The following CAST variants were observed in gnomAD, a reference collection of about 807,000 sequenced individuals.
CAST encodes MIR583 host.
Under a neutral mutation model 119.6 loss-of-function variants are expected in CAST, and 76 were observed. The observed-to-expected ratio is 0.64, with a 90% confidence interval of 0.53 to 0.77. CAST has a LOEUF of 0.77. Among genes scored for constraint, CAST ranks in the 30% least tolerant of loss-of-function variants. CAST has a pLI of 0.00. For synonymous variants in CAST, 319 were observed against 331.6 expected, an observed-to-expected ratio of 0.96 and a Z score of 0.41; for missense variants, 953 against 946.5, an observed-to-expected ratio of 1.01 and a Z score of -0.09.
chr5:96,350,200 C>G, the CAST span, among the ~76,000 whole-genome samples: 1 of 152,054 alleles, frequency 6.6e-6, no homozygotes, highest in African/African-American at 2.4e-5. Context: ...AGGGAAAAAG[C>G]AAATATTGGG....
chr5:96,379,031 C>T, the CAST span, among the ~76,000 whole-genome samples: 7 of 152,070 alleles, frequency 4.6e-5, no homozygotes, highest in South Asian at 2.1e-4. Flanking sequence ...ATAATTGATT[C>T]GTGCATTCTG....
At chr5:96,772,071 A>G (rs1187268253) in intron 31 of CAST, 21 of 158,760 alleles carry the variant, frequency 1.3e-4, no homozygotes, top group South Asian at 6.0e-4. Flanking sequence ...TCCTGAAGAC[A>G]TTGGCATTCC....
chr5:96,767,179 G>A (rs776694419), intron 27 of CAST, among the ~76,000 whole-genome samples: 90 of 152,282 alleles, frequency 5.9e-4, no homozygotes, highest in Admixed American at 9.8e-4. Flanking sequence ...ATGGCAGAAG[G>A]TTCACAAATA....
intron 27 of CAST, 104 bp downstream of exon 27, chr5:96,766,249 A>G (rs985400153): frequency 3.9e-5 from 26 of 667,394 alleles, no homozygotes; most frequent in Non-Finnish European, 6.7e-5. Flanking sequence ...AATAGCATAA[A>G]ACATACCATG....
chr5:96,635,338 G>T (rs1019940496), intron 1 of CAST, among the ~76,000 whole-genome samples: 1 of 152,182 alleles, frequency 6.6e-6, no homozygotes, highest in Non-Finnish European at 1.5e-5. Context: ...GAGAGGATAA[G>T]AAAGCCTAGA....
chr5:96,355,025 T>A, the CAST span, among the ~76,000 whole-genome samples: 3 of 152,134 alleles, frequency 2.0e-5, no homozygotes, highest in African/African-American at 7.2e-5. Flanking sequence ...GTTCTTTTTT[T>A]TATATAGTTT....
At chr5:96,277,677 G>A in the CAST span, among the ~76,000 whole-genome samples, 30 of 151,868 alleles carry the variant, frequency 2.0e-4, no homozygotes, top group Admixed American at 2.0e-3. Flanking sequence ...GAAGAGAGGA[G>A]TAGAAACTAA....
At chr5:96,364,564 G>T in the CAST span, among the ~76,000 whole-genome samples, 1 of 152,192 alleles carries the variant, frequency 6.6e-6, no homozygotes, top group Non-Finnish European at 1.5e-5. Flanking sequence ...GGATGTATGC[G>T]TTCAGGAATT....
chr5:96,230,864 A>G, the CAST span, among the ~76,000 whole-genome samples: 3 of 152,204 alleles, frequency 2.0e-5, no homozygotes, highest in Non-Finnish European at 2.9e-5. Flanking sequence ...GAAGATTTAC[A>G]AATTATCAAC....
chr5:96,586,398 T>G (rs2150190478), intron 1 of CAST, among the ~76,000 whole-genome samples: 1 of 152,362 alleles, frequency 6.6e-6, no homozygotes, highest in South Asian at 2.1e-4. Flanking sequence ...CAGGTGGCTT[T>G]TTAATTTAGT....
At chr5:96,398,771 A>T in the CAST span, 8 of 951,678 alleles carry the variant, frequency 8.4e-6, no homozygotes, top group Non-Finnish European at 1.4e-5. Context: ...AAGACCTGAA[A>T]ATATCTATTA....
At chr5:96,763,142 C>T in intron 25 of CAST, 2 of 780,250 alleles carry the variant, frequency 2.6e-6, no homozygotes, top group Admixed American at 3.4e-5. Context: ...TGCTTCCATT[C>T]CGTTTGATGT....
At chr5:96,696,863 AAAAG>A (rs779645471) in intron 3 of CAST, among the ~76,000 whole-genome samples, 5 of 150,338 alleles carry the variant, frequency 3.3e-5, no homozygotes, top group Non-Finnish European at 5.9e-5. Flanking sequence ...CTCAAAAATA[AAAAG>A]AAAGTCTAAT....
chr5:96,524,666 A>G, upstream of CAST, among the ~76,000 whole-genome samples: 1 of 152,188 alleles, frequency 6.6e-6, no homozygotes. Flanking sequence ...ACCCAAAACT[A>G]GAGCACCCTG....
the CAST span, among the ~76,000 whole-genome samples, chr5:96,050,519 G>A: frequency 1.1e-3 from 166 of 152,328 alleles, 1 homozygote; most frequent in African/African-American, 3.9e-3. Context: ...TGAGATGGGC[G>A]TGTGTGGTAA....
the CAST span, among the ~76,000 whole-genome samples, chr5:96,239,879 T>A: frequency 6.6e-6 from 1 of 152,154 alleles, no homozygotes; most frequent in Non-Finnish European, 1.5e-5. Flanking sequence ...TCTAGATACG[T>A]GTTATAATTT....
the CAST span, among the ~76,000 whole-genome samples, chr5:96,093,722 A>T: frequency 1.3e-5 from 2 of 152,230 alleles, no homozygotes; most frequent in Non-Finnish European, 2.9e-5. Context: ...GCCCATGGGT[A>T]TCTAGGCAGG....
upstream of CAST, chr5:96,662,320 G>T (rs1580867794): frequency 1.2e-6 from 1 of 818,872 alleles, no homozygotes; most frequent in South Asian, 3.1e-5. Context: ...CGGGCCCTCC[G>T]CTCCCTCCCT....
the CAST span, among the ~76,000 whole-genome samples, chr5:96,295,544 G>A: frequency 6.6e-6 from 1 of 152,124 alleles, no homozygotes; most frequent in South Asian, 2.1e-4. Flanking sequence ...AACAGAATTG[G>A]GGTGTATCAA....
Sources: gnomAD v4.1 joint callset for allele counts (sites outside exome capture counted in the v4.1 genomes callset) on GRCh38, gnomAD v4.1.1 for gene constraint, MANE v1.5 for transcripts, NCBI Gene and HGNC (gene_info 2026-07-23, HGNC 2026-07-21) for gene names.